Variants in BARX2 observed in about 807,000 individuals in gnomAD.
BARX2 encodes homeobox protein BarH-like 2.
In BARX2, 11 loss-of-function variants were observed where a neutral mutation model predicts 25.5. The ratio of observed to expected loss-of-function variants is 0.43; its 90% CI spans 0.27 to 0.71. The LOEUF (loss-of-function observed/expected upper bound fraction) is 0.71, where lower values mean the gene tolerates loss of function less well. BARX2 is among the 30% of genes least tolerant of loss of function. The pLI, the probability that BARX2 is intolerant of heterozygous loss-of-function variation, is 0.19. For missense variants in BARX2, 360 were observed against 359.9 expected, an observed-to-expected ratio of 1.00 and a Z score of 0.00; for synonymous variants, 137 against 149.5, an observed-to-expected ratio of 0.92 and a Z score of 0.61.
chr11:129,382,677 C>G (rs1313927032), intron 1 of BARX2, among the ~76,000 whole-genome samples: 4 of 152,232 alleles, frequency 2.6e-5, no homozygotes, highest in Admixed American at 2.6e-4. Flanking sequence ...ATTAACACCT[C>G]ATTTTGCATC....
In BARX2 at chr11:129,393,319, G is replaced by A. The variant is rs184931375; in HGVS notation, c.187+17097G>A. ...CTTTGGGAACTCTATTGTCTAATGT[G>A]GCTTAGACTCAAGAATTTCTTATTT... On this transcript the variant is annotated intron_variant, in intron 1 of 3. Transcript: ENST00000281437. Among the ~76,000 whole-genome samples the A allele has an allele frequency of 4.9e-4, 75 of 152,216 alleles. 1 individual carries two copies. In the Middle Eastern group the frequency reaches 0.017, roughly 35 times the overall value.
intron 3 of BARX2, among the ~76,000 whole-genome samples, chr11:129,448,911 T>C (rs936221705): frequency 1.3e-5 from 2 of 152,224 alleles, no homozygotes; most frequent in African/African-American, 4.8e-5. Flanking sequence ...AACATTATGC[T>C]AAGTGAAAGA....
At chr11:129,427,152 G>C (rs1340197862) in intron 1 of BARX2, among the ~76,000 whole-genome samples, 2 of 152,166 alleles carry the variant, frequency 1.3e-5, no homozygotes, top group Admixed American at 1.3e-4. Flanking sequence ...AGAAAGAAAG[G>C]GAACCAAGTG....
intron 1 of BARX2, among the ~76,000 whole-genome samples, chr11:129,394,394 A>G (rs905834129): frequency 6.6e-6 from 1 of 152,234 alleles, no homozygotes; most frequent in Non-Finnish European, 1.5e-5. Flanking sequence ...TAGTTTTTCT[A>G]TGAGAAAAAT....
chr11:129,438,605 GA>G lies in BARX2; in HGVS notation c.488+1556del, dbSNP rs569827482. 1.8e-4 allele frequency among the ~76,000 whole-genome samples: 28 copies of G among 152,284 alleles called. 1 individual carries two copies. In the South Asian group the frequency reaches 5.8e-3, roughly 32 times the overall value. ...AGTCTGCATATCACCGACTAAAAGG[GA>G]ATTTAGCTTCTGATTCTGTTAATGA... On this transcript the variant is annotated intron_variant, in intron 2 of 3. Transcript: ENST00000281437.
intron 1 of BARX2, among the ~76,000 whole-genome samples, chr11:129,420,171 TC>T (rs149629071): frequency 0.013 from 1,979 of 152,106 alleles, 15 homozygotes; most frequent in Non-Finnish European, 0.021. Context: ...ACTGTTCCTT[TC>T]CCCCCTCCTC....
intron 1 of BARX2, among the ~76,000 whole-genome samples, chr11:129,404,967 A>C (rs1208919066): frequency 6.6e-6 from 1 of 152,234 alleles, no homozygotes; most frequent in Admixed American, 6.5e-5. Context: ...CTGCATAAAC[A>C]ATGCAATTTG....
At chr11:129,437,098 C>T (rs777472545) in intron 2 of BARX2, 47 bp downstream of exon 2, 17 of 1,481,772 alleles carry the variant, frequency 1.1e-5, no homozygotes, top group African/African-American at 4.2e-5. Flanking sequence ...CCCCTGGGAA[C>T]GGGAGACTTG....
chr11:129,401,881 A>C (rs1861779096), intron 1 of BARX2, among the ~76,000 whole-genome samples: 1 of 151,950 alleles, frequency 6.6e-6, no homozygotes. Flanking sequence ...GCTTGAACCC[A>C]GAAGGCAGAG....
chr11:129,381,126 C>G (rs187064892), intron 1 of BARX2, among the ~76,000 whole-genome samples: 220 of 152,276 alleles, frequency 1.4e-3, no homozygotes, highest in African/African-American at 5.1e-3. Context: ...TTCTCTGGCT[C>G]TGATTTTTCT....
Position 129,376,229 on chromosome 11 carries a change from C to T in BARX2, c.187+7C>T, listed in dbSNP as rs1455865470. ...CCCCTGCATTCCTGTACGGGTAAGA[C>T]GCTCCGCTAGGGGATAAGTGGGGTT... On this transcript the variant is annotated splice_region_variant and intron_variant, in intron 1 of 3. Transcript: ENST00000281437. This position sits in a 1 kb window ranked among gnomAD's most constrained non-coding sequence, Gnocchi z 4.2. 1.3e-6 allele frequency: 2 copies of T among 1,595,006 alleles called. No individual in the cohort carries two copies. Among genetic ancestry groups the T allele is most frequent in the African/African-American group, 2.7e-5 (2 of 73,440 alleles).
At chr11:129,429,340 T>A (rs1018755718) in intron 1 of BARX2, among the ~76,000 whole-genome samples, 1 of 152,006 alleles carries the variant, frequency 6.6e-6, no homozygotes, top group African/African-American at 2.4e-5. Context: ...GAGACCAGCC[T>A]GGGCAACACA....
At chr11:129,408,725 G>C (rs1210465060) in intron 1 of BARX2, among the ~76,000 whole-genome samples, 3 of 152,078 alleles carry the variant, frequency 2.0e-5, no homozygotes, top group Non-Finnish European at 4.4e-5. Context: ...ACTGAAGCCT[G>C]TTTATTCCTT....
At chr11:129,420,115 A>G (rs1861987883) in intron 1 of BARX2, among the ~76,000 whole-genome samples, 1 of 152,112 alleles carries the variant, frequency 6.6e-6, no homozygotes, top group Non-Finnish European at 1.5e-5. Flanking sequence ...TGAACAAATC[A>G]GTGTCAGTGT....
At chr11:129,381,069 C>T (rs1861558447) in intron 1 of BARX2, among the ~76,000 whole-genome samples, 2 of 152,180 alleles carry the variant, frequency 1.3e-5, no homozygotes, top group South Asian at 4.1e-4. Context: ...GCCATCGCGC[C>T]CGCTGTGAAG....
chr11:129,415,569 A>G (rs1320655299), intron 1 of BARX2, among the ~76,000 whole-genome samples: 1 of 152,172 alleles, frequency 6.6e-6, no homozygotes, highest in Non-Finnish European at 1.5e-5. Context: ...CCTTCTCCCC[A>G]GGAAACATCA....
At chr11:129,382,989 A>T (rs1308917445) in intron 1 of BARX2, among the ~76,000 whole-genome samples, 1 of 152,190 alleles carries the variant, frequency 6.6e-6, no homozygotes, top group African/African-American at 2.4e-5. Context: ...GCCTGAGAGG[A>T]TGGAACGGTA....
chr11:129,383,672 C>T (rs1861590678), intron 1 of BARX2, among the ~76,000 whole-genome samples: 1 of 152,172 alleles, frequency 6.6e-6, no homozygotes, highest in Admixed American at 6.5e-5. Flanking sequence ...GATGACACAG[C>T]CTTCCTCCAT....
chr11:129,436,655 C>G lies in BARX2; in HGVS notation c.188-96C>G. On this transcript the variant is annotated intron_variant, in intron 1 of 3. Coordinates refer to ENST00000281437, the MANE Select transcript of BARX2 (RefSeq NM_003658.5). The surrounding 1 kb of genome is among the most constrained non-coding windows in gnomAD (Gnocchi z 4.5). ...TACCTCCTTAAGAGCAGGGCCCTCC[C>G]TGTCAGACAGACCTCAGCCAGCGGC... 1 of 1,362,250 alleles carries G rather than the reference C, an allele frequency of 7.3e-7. No homozygotes were observed. Among genetic ancestry groups the G allele is most frequent in the South Asian group, 1.4e-5 (1 of 69,774 alleles). The allele number at this position is 1,362,250 out of a possible 1,614,324, so 84.4% of individuals were successfully genotyped here. A position where few individuals can be genotyped will look rare whatever the true frequency, so the allele number is the denominator to read the frequency against.
Sources: allele counts gnomAD v4.1 joint callset (sites outside exome capture counted in the v4.1 genomes callset), GRCh38; gene constraint gnomAD v4.1.1; non-coding constraint Gnocchi (gnomAD v3.1); transcripts MANE v1.5; gene names NCBI Gene and HGNC (gene_info 2026-07-23, HGNC 2026-07-21).